RPS10: variants seen among roughly 807,000 people sequenced by gnomAD.
RPS10 encodes the protein ribosomal protein S10, also known as small ribosomal subunit protein eS10.
A neutral mutation model predicts 22.6 loss-of-function variants in RPS10; 2 were observed. The observed-to-expected ratio is 0.09, with a 90% confidence interval of 0.04 to 0.28. The LOEUF (loss-of-function observed/expected upper bound fraction) is 0.28, where lower values mean the gene tolerates loss of function less well. Among genes scored for constraint, RPS10 ranks in the 10% least tolerant of loss-of-function variants. RPS10 has a pLI of 1.00. For synonymous variants in RPS10, 70 were observed against 75.9 expected (o/e 0.92, Z 0.40); for missense variants, 137 against 222.2 (o/e 0.62, Z 2.44).
intron 4 of RPS10, among the ~76,000 whole-genome samples, chr6:34,420,974 C>T (rs1391904991): frequency 2.0e-5 from 3 of 150,184 alleles, no homozygotes; most frequent in Non-Finnish European, 4.4e-5. Flanking sequence ...TGCCACTGCA[C>T]TCCAGCCTGG....
intron 3 of RPS10, among the ~76,000 whole-genome samples, chr6:34,423,571 G>A (rs757996886): frequency 3.3e-5 from 5 of 152,134 alleles, no homozygotes; most frequent in Non-Finnish European, 7.3e-5. Flanking sequence ...CCAAGATGTA[G>A]TAGACAACTT....
At chr6:34,419,860 G>T (rs545064229) in intron 4 of RPS10, among the ~76,000 whole-genome samples, 13 of 152,226 alleles carry the variant, frequency 8.5e-5, no homozygotes, top group African/African-American at 3.1e-4. Flanking sequence ...TTACAGGAGT[G>T]GGCCACCGCG....
intron 3 of RPS10, among the ~76,000 whole-genome samples, chr6:34,422,759 GCA>G (rs1272101077): frequency 1.3e-5 from 2 of 150,438 alleles, no homozygotes; most frequent in African/African-American, 2.4e-5. Flanking sequence ...ACACCCTAAG[GCA>G]CAAACTTTAA....
chr6:34,424,156 A>AAAAAAAAAAAAAAAAAAAAAAAAAC (rs1765868805), intron 3 of RPS10: 1 of 150,620 alleles, frequency 6.6e-6, no homozygotes, highest in African/African-American at 2.5e-5. Context: ...AAAAAAAAAA[A>AAAAAAAAAAAAAAAAAAAAAAAAAC]AAAAAAAAGC....
intron 3 of RPS10, among the ~76,000 whole-genome samples, chr6:34,422,366 G>A (rs528305500): frequency 3.2e-4 from 49 of 152,200 alleles, no homozygotes; most frequent in South Asian, 4.1e-4. Flanking sequence ...CCAGGTTGGA[G>A]TGCAGTGGCG....
At chr6:34,422,529 G>A (rs1285631885) in intron 3 of RPS10, among the ~76,000 whole-genome samples, 2 of 151,978 alleles carry the variant, frequency 1.3e-5, no homozygotes, top group African/African-American at 2.4e-5. Flanking sequence ...TGGCCAGGCT[G>A]GTCTCCAACT....
chr6:34,419,329 A>C (rs1396914220), intron 4 of RPS10, among the ~76,000 whole-genome samples: 1 of 151,174 alleles, frequency 6.6e-6, no homozygotes, highest in Non-Finnish European at 1.5e-5. Context: ...CCCAGCCCTA[A>C]TTTTTATATT....
intron 1 of RPS10, chr6:34,425,740 G>A (rs1290514313): frequency 5.8e-6 from 1 of 171,424 alleles, no homozygotes; most frequent in Non-Finnish European, 1.3e-5. Context: ...GCAGTCGGGG[G>A]AGTCCTGTTC....
chr6:34,425,282 C>A, intron 1 of RPS10, 61 bp from the exon 2 acceptor site: 1 of 1,547,634 alleles, frequency 6.5e-7, no homozygotes, highest in South Asian at 1.2e-5. Flanking sequence ...GCCCGGTAAT[C>A]AAGTTCTTGA....
rs557394189 is a variant in RPS10, at chr6:34,418,351, A to T, written c.456+18T>A. The T allele has an allele frequency of 2.5e-6, 4 of 1,614,102 alleles. No homozygotes were observed. Among genetic ancestry groups the T allele is most frequent in the African/African-American group, 2.7e-5 (2 of 75,036 alleles). On this transcript the variant is annotated intron_variant, in intron 5 of 5. Coordinates refer to ENST00000648437, the MANE Select transcript of RPS10 (RefSeq NM_001014.5). ...GAACAAGTGATGGCTCATGGAAAAC[A>T]AATAGGAAGATACTCACAAACTGGA...
intron 4 of RPS10, among the ~76,000 whole-genome samples, chr6:34,421,090 C>T (rs1209636356): frequency 1.4e-5 from 2 of 141,688 alleles, no homozygotes; most frequent in African/African-American, 5.4e-5. Flanking sequence ...CACATTTTAC[C>T]GAAGAGGTTT....
At chr6:34,422,491 T>C (rs1765801256) in intron 3 of RPS10, among the ~76,000 whole-genome samples, 1 of 151,992 alleles carries the variant, frequency 6.6e-6, no homozygotes, top group South Asian at 2.1e-4. Flanking sequence ...CGTTTTGTAT[T>C]TTTAGTAGAA....
At chr6:34,417,802 A>G in intron 5 of RPS10, 1 of 718,824 alleles carries the variant, frequency 1.4e-6, no homozygotes, top group Non-Finnish European at 2.6e-6. Context: ...ACATACTCCT[A>G]TGAAAGCATC....
intron 4 of RPS10, among the ~76,000 whole-genome samples, chr6:34,418,944 A>G (rs1239752240): frequency 1.3e-5 from 2 of 151,968 alleles, no homozygotes; most frequent in African/African-American, 4.8e-5. Flanking sequence ...GTACGATCTC[A>G]GCTCACTACA....
At chr6:34,419,854 A>T (rs904313999) in intron 4 of RPS10, among the ~76,000 whole-genome samples, 3 of 152,180 alleles carry the variant, frequency 2.0e-5, no homozygotes, top group African/African-American at 7.2e-5. Flanking sequence ...CTGGGATTAC[A>T]GGAGTGGGCC....
chr6:34,425,043 C>A (rs1259898859), intron 2 of RPS10, 29 bp downstream of exon 2: 1 of 1,611,760 alleles, frequency 6.2e-7, no homozygotes, highest in Admixed American at 1.7e-5. Flanking sequence ...GGAGGAAGAT[C>A]CATCCCATCT....
At chr6:34,422,779 C>T (rs1471657377) in intron 3 of RPS10, among the ~76,000 whole-genome samples, 1 of 150,310 alleles carries the variant, frequency 6.7e-6, no homozygotes, top group African/African-American at 2.4e-5. Flanking sequence ...TAAGAGCTAC[C>T]TTAAAAAAAT....
At chr6:34,421,445 CCT>C (rs1491244963) in intron 4 of RPS10, among the ~76,000 whole-genome samples, 2 of 151,954 alleles carry the variant, frequency 1.3e-5, no homozygotes, top group African/African-American at 4.8e-5. Flanking sequence ...CGACCCCCCC[CCT>C]CCAACCAAAG....
intron 1 of RPS10, 146 bp from the exon 2 acceptor site, chr6:34,425,367 G>A: frequency 9.6e-7 from 1 of 1,038,180 alleles, no homozygotes; most frequent in Non-Finnish European, 1.4e-6. Flanking sequence ...AGATTCGGCA[G>A]AGGCCAGCTC....
Sources: gnomAD v4.1 joint callset for allele counts (sites outside exome capture counted in the v4.1 genomes callset) on GRCh38, gnomAD v4.1.1 for gene constraint, MANE v1.5 for transcripts, NCBI Gene and HGNC (gene_info 2026-07-23, HGNC 2026-07-21) for gene names.